SND1: variants seen among roughly 807,000 people sequenced by gnomAD.
SND1 encodes the protein staphylococcal nuclease and tudor domain containing 1, also known as staphylococcal nuclease domain-containing protein 1.
In SND1, 38 loss-of-function variants were observed where a neutral mutation model predicts 121.7. That is an observed-to-expected ratio of 0.31 (90% CI 0.24 to 0.41). The LOEUF (loss-of-function observed/expected upper bound fraction) is 0.41. Among genes scored for constraint, SND1 ranks in the 10% least tolerant of loss-of-function variants. The probability of loss-of-function intolerance (pLI) is 1.00; values close to 1 mark genes in which losing one functional copy is unlikely to be tolerated. For synonymous variants in SND1, 401 were observed against 447.4 expected, an observed-to-expected ratio of 0.90 and a Z score of 1.31; for missense variants, 868 against 1,184.6, an observed-to-expected ratio of 0.73 and a Z score of 3.92.
chr7:128,064,657 G>A (rs968056948), intron 16 of SND1, among the ~76,000 whole-genome samples: 9 of 152,194 alleles, frequency 5.9e-5, no homozygotes, highest in African/African-American at 2.2e-4. Context: ...TGCACTAGAG[G>A]CGAAAGTTGA....
intron 11 of SND1, among the ~76,000 whole-genome samples, chr7:127,811,824 T>C (rs770004198): frequency 1.2e-4 from 18 of 152,256 alleles, no homozygotes; most frequent in Non-Finnish European, 1.9e-4. Context: ...GTTTTGGAGA[T>C]GTGGCTCATT....
chr7:127,884,291 T>G (rs1337704493), intron 12 of SND1, among the ~76,000 whole-genome samples: 5 of 152,158 alleles, frequency 3.3e-5, no homozygotes, highest in African/African-American at 1.2e-4. Context: ...ATATTTATTT[T>G]TATATGTTTA....
intron 16 of SND1, among the ~76,000 whole-genome samples, chr7:128,006,436 C>T (rs1297011876): frequency 1.3e-5 from 2 of 152,170 alleles, no homozygotes; most frequent in Admixed American, 6.5e-5. Flanking sequence ...CAGTTAGCTG[C>T]CACACACTTA....
chr7:128,074,225 GCTCT>G (rs141914844), intron 16 of SND1, among the ~76,000 whole-genome samples: 11 of 150,112 alleles, frequency 7.3e-5, no homozygotes, highest in Admixed American at 2.0e-4. Flanking sequence ...CTTCAGCTGC[GCTCT>G]CTCTCTCTCT....
intron 11 of SND1, among the ~76,000 whole-genome samples, chr7:127,821,648 A>T (rs67338333): frequency 0.28 from 43,249 of 152,018 alleles, 7,713 homozygotes; most frequent in East Asian, 0.7. Context: ...TATAATTTTT[A>T]AAAAATTTTT....
At chr7:127,673,895 C>T (rs937733788) in intron 1 of SND1, among the ~76,000 whole-genome samples, 3 of 152,136 alleles carry the variant, frequency 2.0e-5, no homozygotes, top group Non-Finnish European at 4.4e-5. Flanking sequence ...ATTCCAGGCT[C>T]ATATTGTACT....
chr7:127,907,803 TTC>T (rs2116771507), intron 14 of SND1, among the ~76,000 whole-genome samples: 1 of 152,334 alleles, frequency 6.6e-6, no homozygotes, highest in Non-Finnish European at 1.5e-5. Context: ...GGGGTTGAGT[TTC>T]TACTCCTTTT....
chr7:127,717,031 A>C (rs1057000546), intron 9 of SND1, among the ~76,000 whole-genome samples: 4 of 152,220 alleles, frequency 2.6e-5, no homozygotes, highest in Non-Finnish European at 4.4e-5. Context: ...AGATTGAAAG[A>C]ATATTAACCT....
At chr7:127,762,159 T>A (rs975774385) in intron 10 of SND1, among the ~76,000 whole-genome samples, 3 of 152,192 alleles carry the variant, frequency 2.0e-5, no homozygotes, top group African/African-American at 7.2e-5. Context: ...AAGTTTACAG[T>A]AGACTAGGGG....
chr7:127,675,701 A>G (rs1252089910), intron 1 of SND1, among the ~76,000 whole-genome samples: 1 of 152,120 alleles, frequency 6.6e-6, no homozygotes, highest in Non-Finnish European at 1.5e-5. Flanking sequence ...ACTCTTTTTT[A>G]TGTCCTGGAG....
At chr7:128,050,225 C>T (rs1431618529) in intron 16 of SND1, among the ~76,000 whole-genome samples, 3 of 152,198 alleles carry the variant, frequency 2.0e-5, no homozygotes, top group South Asian at 2.1e-4. Flanking sequence ...TCTGTTTGAA[C>T]GCCTCTATGG....
chr7:127,844,520 T>C (rs1799022240), intron 12 of SND1, 96 bp downstream of exon 12: 1 of 961,598 alleles, frequency 1.0e-6, no homozygotes. Flanking sequence ...TCTGCTTTGC[T>C]TTCTCCTGCT....
At chr7:128,037,149 A>T (rs916871062) in intron 16 of SND1, among the ~76,000 whole-genome samples, 1 of 152,212 alleles carries the variant, frequency 6.6e-6, no homozygotes, top group Non-Finnish European at 1.5e-5. Flanking sequence ...GCAGAAATAT[A>T]TTCTCTCACA....
At chr7:127,704,331 T>C (rs1796153716) in intron 7 of SND1, among the ~76,000 whole-genome samples, 1 of 152,154 alleles carries the variant, frequency 6.6e-6, no homozygotes, top group Admixed American at 6.5e-5. Flanking sequence ...TCTTCTGGAG[T>C]GCTGTCTGGC....
intron 16 of SND1, among the ~76,000 whole-genome samples, chr7:127,992,738 A>C (rs75667932): frequency 0.017 from 2,627 of 152,234 alleles, 35 homozygotes; most frequent in South Asian, 0.041. Flanking sequence ...CTTCCTGATC[A>C]TGTTTCTGGC....
intron 16 of SND1, among the ~76,000 whole-genome samples, chr7:128,033,102 C>T (rs1563096627): frequency 6.6e-6 from 1 of 152,128 alleles, no homozygotes; most frequent in Non-Finnish European, 1.5e-5. Flanking sequence ...AGCCCCCTGC[C>T]CTGTGAGCTC....
At chr7:127,750,127 C>T (rs532090097) in intron 10 of SND1, among the ~76,000 whole-genome samples, 11 of 152,218 alleles carry the variant, frequency 7.2e-5, no homozygotes, top group Admixed American at 4.6e-4. Flanking sequence ...AACAAAAAAA[C>T]GAGTAAGTGA....
chr7:127,709,113 G>A (rs1562986545), intron 9 of SND1, among the ~76,000 whole-genome samples: 2 of 152,180 alleles, frequency 1.3e-5, no homozygotes, highest in South Asian at 2.1e-4. Flanking sequence ...GCATGAGTGG[G>A]ACTTGCACCT....
intron 10 of SND1, among the ~76,000 whole-genome samples, chr7:127,775,307 T>A (rs1797595873): frequency 6.6e-6 from 1 of 152,158 alleles, no homozygotes; most frequent in Non-Finnish European, 1.5e-5. Flanking sequence ...TTGTGGTAAT[T>A]TGTGTGGCAC....
Sources: gnomAD v4.1 joint callset for allele counts (sites outside exome capture counted in the v4.1 genomes callset) on GRCh38, gnomAD v4.1.1 for gene constraint, MANE v1.5 for transcripts, NCBI Gene and HGNC (gene_info 2026-07-23, HGNC 2026-07-21) for gene names.